The following OR2L13 variants were observed in gnomAD, a reference collection of about 807,000 sequenced individuals.
The protein encoded by OR2L13 is olfactory receptor 2L13.
A neutral mutation model predicts 15.3 loss-of-function variants in OR2L13; 14 were observed. The observed-to-expected ratio is 0.91, with a 90% confidence interval of 0.60 to 1.43. The LOEUF (loss-of-function observed/expected upper bound fraction) is 1.43. Ranked by LOEUF, OR2L13 falls within the 40% of genes most tolerant of loss-of-function variation. The pLI, the probability that OR2L13 is intolerant of heterozygous loss-of-function variation, is 0.00. For missense variants in OR2L13, 367 were observed against 387.9 expected, an observed-to-expected ratio of 0.95 and a Z score of 0.45; for synonymous variants, 152 against 142.9, an observed-to-expected ratio of 1.06 and a Z score of -0.45.
At chr1:247,958,073 G>A in the OR2L13 span, among the ~76,000 whole-genome samples, 1 of 151,984 alleles carries the variant, frequency 6.6e-6, no homozygotes, top group African/African-American at 2.4e-5. Flanking sequence ...TCTCTTGTGG[G>A]CATTTAGTGC....
the OR2L13 span, among the ~76,000 whole-genome samples, chr1:248,019,927 A>G: frequency 6.6e-6 from 1 of 152,064 alleles, no homozygotes; most frequent in Non-Finnish European, 1.5e-5. Context: ...AGCTGGGACT[A>G]CTGGTGCGAG....
At chr1:248,055,902 G>A in the OR2L13 span, 1 of 145,764 alleles carries the variant, frequency 6.9e-6, no homozygotes, top group Non-Finnish European at 1.5e-5. Flanking sequence ...CTGAACCTGG[G>A]CTTTTTTTCC....
chr1:248,015,249 C>T, the OR2L13 span, among the ~76,000 whole-genome samples: 1 of 152,278 alleles, frequency 6.6e-6, no homozygotes, highest in South Asian at 2.1e-4. Context: ...TTAAACACAA[C>T]ATTATGTACT....
the OR2L13 span, among the ~76,000 whole-genome samples, chr1:248,054,483 A>T: frequency 6.6e-6 from 1 of 152,168 alleles, no homozygotes; most frequent in Non-Finnish European, 1.5e-5. Context: ...TGTGAAGAAT[A>T]TCAATGGTAT....
At chr1:248,073,946 T>G in the OR2L13 span, among the ~76,000 whole-genome samples, 1 of 151,934 alleles carries the variant, frequency 6.6e-6, no homozygotes, top group African/African-American at 2.4e-5. Flanking sequence ...TAGATACAAC[T>G]CATAAGAAAA....
the OR2L13 span, chr1:247,948,926 C>G: frequency 1.2e-6 from 2 of 1,613,536 alleles, no homozygotes; most frequent in Non-Finnish European, 1.7e-6. Context: ...CAAGAATTGA[C>G]CTTTTCTTCT....
chr1:248,056,743 G>A, the OR2L13 span, among the ~76,000 whole-genome samples: 1 of 150,382 alleles, frequency 6.6e-6, no homozygotes, highest in African/African-American at 2.5e-5. Flanking sequence ...TGCCTCCTGG[G>A]TTCAAGCAAT....
At chr1:247,989,582 A>G in the OR2L13 span, among the ~76,000 whole-genome samples, 1 of 152,214 alleles carries the variant, frequency 6.6e-6, no homozygotes, top group Non-Finnish European at 1.5e-5. Context: ...TATTTCTCTC[A>G]CAAAATATAA....
chr1:248,089,422 C>T, the OR2L13 span, among the ~76,000 whole-genome samples: 3 of 152,060 alleles, frequency 2.0e-5, no homozygotes, highest in Non-Finnish European at 4.4e-5. Flanking sequence ...CCAGCCCCCA[C>T]CTCCCCAGAA....
At chr1:247,949,146 G>T in the OR2L13 span, 24 of 1,613,958 alleles carry the variant, frequency 1.5e-5, no homozygotes, top group African/African-American at 2.7e-4. Context: ...CACTGGGTGT[G>T]GGATTCAGAG....
At chr1:248,044,879 C>T in the OR2L13 span, among the ~76,000 whole-genome samples, 2 of 150,874 alleles carry the variant, frequency 1.3e-5, no homozygotes, top group African/African-American at 4.8e-5. Context: ...ATTTGAAGCT[C>T]CCTTTCTCTT....
chr1:248,002,467 G>A, the OR2L13 span, among the ~76,000 whole-genome samples: 3 of 143,270 alleles, frequency 2.1e-5, no homozygotes, highest in African/African-American at 8.6e-5. Context: ...GTGAATTCAT[G>A]CAATATTTGT....
chr1:248,094,162 A>G (rs999422945), upstream of OR2L13, among the ~76,000 whole-genome samples: 3 of 152,190 alleles, frequency 2.0e-5, no homozygotes, highest in Non-Finnish European at 4.4e-5. Context: ...GCCTGTATTG[A>G]AACATCACAT....
the OR2L13 span, among the ~76,000 whole-genome samples, chr1:248,050,903 T>C: frequency 6.6e-6 from 1 of 152,202 alleles, no homozygotes; most frequent in Non-Finnish European, 1.5e-5. Context: ...AATAAATTGC[T>C]CTGCCATGGC....
the OR2L13 span, among the ~76,000 whole-genome samples, chr1:248,066,306 C>T: frequency 5.9e-5 from 9 of 152,070 alleles, no homozygotes; most frequent in Non-Finnish European, 1.0e-4. Flanking sequence ...TTTCCTAGAC[C>T]TTGGCAAAAA....
the OR2L13 span, among the ~76,000 whole-genome samples, chr1:247,974,564 A>G: frequency 2.0e-5 from 3 of 152,044 alleles, no homozygotes; most frequent in Non-Finnish European, 4.4e-5. Flanking sequence ...TATAAACTGA[A>G]TGTTATCATA....
chr1:248,055,710 T>C, the OR2L13 span: 1 of 152,258 alleles, frequency 6.6e-6, no homozygotes. Context: ...TGAGCTGAGA[T>C]TGTGCCACTG....
chr1:247,946,099 A>T, the OR2L13 span, among the ~76,000 whole-genome samples: 1 of 151,862 alleles, frequency 6.6e-6, no homozygotes, highest in African/African-American at 2.4e-5. Flanking sequence ...TAAGTGTTTC[A>T]TTTCTTTTTG....
At chr1:247,982,761 C>T in the OR2L13 span, among the ~76,000 whole-genome samples, 127 of 151,674 alleles carry the variant, frequency 8.4e-4, no homozygotes, top group African/African-American at 1.8e-3. Flanking sequence ...CCAGGTGATA[C>T]GAGGAAATAG....
Sources: allele counts gnomAD v4.1 joint callset (sites outside exome capture counted in the v4.1 genomes callset), GRCh38; gene constraint gnomAD v4.1.1; transcripts MANE v1.5; gene names NCBI Gene and HGNC (gene_info 2026-07-23, HGNC 2026-07-21).